Variants in SNX24 observed in about 807,000 individuals in gnomAD.
SNX24 encodes the protein sorting nexin-24.
A neutral mutation model predicts 28.7 loss-of-function variants in SNX24; 22 were observed. The observed-to-expected ratio is 0.77, with a 90% CI of 0.55 to 1.10. The LOEUF is 1.10. SNX24 is among the 50% of genes least tolerant of loss of function. The pLI, the probability that SNX24 is intolerant of heterozygous loss-of-function variation, is 0.00. For missense variants in SNX24, 221 were observed against 201.1 expected (o/e 1.10, Z -0.60); for synonymous variants, 69 against 71.5 (o/e 0.96, Z 0.18).
At chr5:122,916,996 C>T (rs1409467962) in intron 1 of SNX24, among the ~76,000 whole-genome samples, 3 of 152,080 alleles carry the variant, frequency 2.0e-5, no homozygotes, top group Non-Finnish European at 2.9e-5. Flanking sequence ...GGGCTGGGCG[C>T]GGTGGCTCAC....
intron 1 of SNX24, among the ~76,000 whole-genome samples, chr5:122,888,920 C>T (rs1208661614): frequency 6.6e-6 from 1 of 152,160 alleles, no homozygotes; most frequent in Non-Finnish European, 1.5e-5. Context: ...GGCGTGATCT[C>T]AGCTCACTGC....
In SNX24 at chr5:123,008,982, A is replaced by T. The variant is rs1281544140; in HGVS notation, c.*1233A>T. ...GAGCAAGGTATTTAAAATCAAAACTAATAACTACATCATGGTTTTTGATTA... is the reference window on the plus strand; with the variant it reads ...GAGCAAGGTATTTAAAATCAAAACTTATAACTACATCATGGTTTTTGATTA... On this transcript the variant is annotated 3_prime_UTR_variant, in exon 7 of 7. Transcript: ENST00000261369. 3 of 985,648 alleles carry T rather than the reference A, an allele frequency of 3.0e-6. No homozygotes were observed. In the East Asian group the frequency reaches 3.4e-4, roughly 112 times the overall value. The allele number at this position is 985,648 out of a possible 1,614,324, so 61.1% of individuals were successfully genotyped here.
intron 3 of SNX24, among the ~76,000 whole-genome samples, chr5:122,960,825 T>G (rs1195216872): frequency 1.3e-5 from 2 of 152,118 alleles, no homozygotes; most frequent in African/African-American, 4.8e-5. Flanking sequence ...ACTACTACAT[T>G]TCAAAAGACT....
In SNX24 at chr5:122,845,651, G is replaced by C; in HGVS notation, c.18G>C (p.Pro6=). The stretch of plus-strand genomic sequence containing the variant: ...GCGCGGCCATGGAGGTCTACATCCC[G>C]TCCTTTCGCTATGAAGAGAGCGACC... MEVYI[P]SFRYEESDLE... is the part of the protein sequence containing the mutation. The change falls in exon 1 of 7, where the codon CCG becomes CCC. Residue 6 remains proline (P), a synonymous_variant. Coordinates refer to ENST00000261369, the MANE Select transcript of SNX24 (RefSeq NM_014035.4). 7.0e-7 allele frequency: 1 copy of C among 1,432,154 alleles called. No individual in the cohort carries two copies. The highest frequency in any genetic ancestry group is 9.2e-7 in the Non-Finnish European group (1 of 1,083,688). The allele number at this position is 1,432,154 out of a possible 1,614,324, so 88.7% of individuals were successfully genotyped here.
At chr5:122,859,462 G>A (rs1286162703) in intron 1 of SNX24, among the ~76,000 whole-genome samples, 1 of 152,092 alleles carries the variant, frequency 6.6e-6, no homozygotes, top group Non-Finnish European at 1.5e-5. Context: ...AAAATTAGCT[G>A]GGCATAGTGG....
intron 1 of SNX24, among the ~76,000 whole-genome samples, chr5:122,914,956 A>G (rs1758094490): frequency 6.6e-6 from 1 of 152,150 alleles, no homozygotes. Context: ...ACTTTTCCTT[A>G]GGTCCAGTTG....
chr5:122,996,378 G>T (rs1043565894), intron 3 of SNX24, among the ~76,000 whole-genome samples: 1 of 152,154 alleles, frequency 6.6e-6, no homozygotes, highest in Non-Finnish European at 1.5e-5. Context: ...GGTGTTCTTG[G>T]CTGGGCTGTC....
At chr5:123,014,604 G>C (rs7716236) in intron 5 of SNX24, among the ~76,000 whole-genome samples, 11,654 of 152,032 alleles carry the variant, frequency 0.077, 1,500 homozygotes, top group African/African-American at 0.27. Context: ...CATGCTAACA[G>C]CAGCCTCCTC....
At chr5:122,933,344 G>A (rs550194517) in intron 1 of SNX24, among the ~76,000 whole-genome samples, 10 of 152,316 alleles carry the variant, frequency 6.6e-5, no homozygotes, top group Admixed American at 5.2e-4. Flanking sequence ...CTCACGTGCC[G>A]ATTGGTTTTC....
Position 122,994,282 on chromosome 5 carries a change from C to T in SNX24, c.250-5630C>T, listed in dbSNP as rs79351229. Among the ~76,000 whole-genome samples the T allele has an allele frequency of 5.9e-5, 9 of 152,214 alleles. No homozygotes were observed. In the East Asian group the frequency reaches 1.7e-3, roughly 29 times the overall value. On this transcript the variant is annotated intron_variant, in intron 3 of 6. Coordinates refer to ENST00000261369, the MANE Select transcript of SNX24 (RefSeq NM_014035.4). ...GTGGAGATGTGTCACCGTTTATGCT[C>T]GCCTTAGTGACAATTTTCTAAAATG...
chr5:122,962,888 T>G (rs1407772305), intron 3 of SNX24, among the ~76,000 whole-genome samples: 4 of 152,170 alleles, frequency 2.6e-5, no homozygotes, highest in Non-Finnish European at 4.4e-5. Flanking sequence ...AGTCATTAAG[T>G]TCAATGACCT....
chr5:122,948,731 TA>T (rs1759804301), intron 3 of SNX24: 1 of 152,220 alleles, frequency 6.6e-6, no homozygotes, highest in Admixed American at 6.5e-5. Flanking sequence ...CCAGTGGAAT[TA>T]AAAATCTTGC....
chr5:122,862,411 C>G (rs371363235), intron 1 of SNX24, among the ~76,000 whole-genome samples: 1 of 151,796 alleles, frequency 6.6e-6, no homozygotes, highest in Non-Finnish European at 1.5e-5. Flanking sequence ...GTCAGGAGAT[C>G]GAGACCATCC....
intron 1 of SNX24, among the ~76,000 whole-genome samples, chr5:122,882,605 T>A (rs1292869634): frequency 6.6e-6 from 1 of 152,206 alleles, no homozygotes; most frequent in African/African-American, 2.4e-5. Flanking sequence ...TCTTGAAACA[T>A]CCTGATTGTC....
chr5:122,898,876 A>C (rs1021110937), intron 1 of SNX24, among the ~76,000 whole-genome samples: 26 of 152,306 alleles, frequency 1.7e-4, no homozygotes, highest in African/African-American at 6.3e-4. Context: ...CGGCAGGCCA[A>C]ATGTGGTTGA....
In SNX24 at chr5:122,859,922, G is replaced by A. The variant is rs116798379; in HGVS notation, c.60+14229G>A. Among the ~76,000 whole-genome samples the A allele has an allele frequency of 2.5e-3, 388 of 152,318 alleles. 2 individuals carry two copies. The highest frequency in any genetic ancestry group is 0.017 in the Middle Eastern group (5 of 294). ...TGAGTTTGCCTAAAAACCTGGGATA[G>A]ATAAAAAGGGAATGTTCAGGTTAAG... On this transcript the variant is annotated intron_variant, in intron 1 of 6. Transcript: ENST00000261369.
chr5:122,979,872 A>G (rs77123848), intron 3 of SNX24, among the ~76,000 whole-genome samples: 2,702 of 152,264 alleles, frequency 0.018, 42 homozygotes, highest in Non-Finnish European at 0.026. Context: ...TCAGCGGTCC[A>G]CCCGAATCTT....
rs149852472 is a variant in SNX24 at position 122,869,404 on chromosome 5, G to A, written c.60+23711G>A. Among the ~76,000 whole-genome samples, 52 of 152,258 alleles carry A rather than the reference G, an allele frequency of 3.4e-4. 1 individual carries two copies. In the East Asian group the frequency reaches 9.8e-3, roughly 29 times the overall value. On this transcript the variant is annotated intron_variant, in intron 1 of 6. Transcript: ENST00000261369. ...TTTCTGACGTTGATTCAGATACCAG[G>A]AAACCTGCTGAATAAATTAGTGTAC... is the stretch of plus-strand genomic sequence containing the variant.
intron 3 of SNX24, among the ~76,000 whole-genome samples, chr5:122,986,681 G>C (rs1344706778): frequency 6.6e-6 from 1 of 152,100 alleles, no homozygotes; most frequent in African/African-American, 2.4e-5. Context: ...AGCATCGGTT[G>C]AACACTCTTG....
Sources: allele counts gnomAD v4.1 joint callset (sites outside exome capture counted in the v4.1 genomes callset), GRCh38; gene constraint gnomAD v4.1.1; transcripts MANE v1.5; gene names NCBI Gene and HGNC (gene_info 2026-07-23, HGNC 2026-07-21).